The following RIMS1 variants were observed in gnomAD, a reference collection of about 807,000 sequenced individuals.
The protein encoded by RIMS1 is regulating synaptic membrane exocytosis 1.
Under a neutral mutation model 214.1 loss-of-function variants are expected in RIMS1, and 83 were observed. The observed-to-expected ratio is 0.39, with a 90% CI of 0.32 to 0.47. RIMS1 has a LOEUF of 0.47. Among genes scored for constraint, RIMS1 ranks in the 20% least tolerant of loss-of-function variants. RIMS1 has a pLI of 0.99. For missense variants in RIMS1, 2,050 were observed against 2,161.8 expected (o/e 0.95, Z 1.03); for synonymous variants, 793 against 786.8 (o/e 1.01, Z -0.13).
At chr6:72,071,795 A>C (rs1830636445) in intron 2 of RIMS1, among the ~76,000 whole-genome samples, 3 of 152,208 alleles carry the variant, frequency 2.0e-5, no homozygotes, top group South Asian at 2.1e-4. Context: ...TAGATATCTG[A>C]AGCATTTTCA....
intron 29 of RIMS1, among the ~76,000 whole-genome samples, chr6:72,346,612 C>G (rs1386710942): frequency 6.6e-6 from 1 of 151,762 alleles, no homozygotes; most frequent in East Asian, 1.9e-4. Context: ...CTCTGTTACT[C>G]AGCCTTCACT....
chr6:72,131,533 G>A (rs773762115), intron 4 of RIMS1, among the ~76,000 whole-genome samples: 8 of 150,890 alleles, frequency 5.3e-5, no homozygotes, highest in Non-Finnish European at 1.2e-4. Flanking sequence ...CAAAAGGGGA[G>A]GGAGTGTACC....
At chr6:72,327,460 G>A (rs904399130) in intron 28 of RIMS1, among the ~76,000 whole-genome samples, 20 of 151,576 alleles carry the variant, frequency 1.3e-4, no homozygotes, top group African/African-American at 3.9e-4. Context: ...TGACTTTTGC[G>A]AATAATTTTG....
chr6:72,260,842 C>A, intron 19 of RIMS1, 75 bp downstream of exon 19: 1 of 1,573,118 alleles, frequency 6.4e-7, no homozygotes, highest in Non-Finnish European at 8.6e-7. Flanking sequence ...CCGTCTCTCC[C>A]TTAGTGGTAT....
chr6:72,124,091 GT>G (rs1562368790), intron 4 of RIMS1, among the ~76,000 whole-genome samples: 1 of 151,872 alleles, frequency 6.6e-6, no homozygotes. Context: ...AATTTGGCAT[GT>G]TTTTGCAGTG....
At chr6:72,225,966 T>C (rs1367605679) in intron 6 of RIMS1, among the ~76,000 whole-genome samples, 1 of 152,166 alleles carries the variant, frequency 6.6e-6, no homozygotes, top group Non-Finnish European at 1.5e-5. Flanking sequence ...TTCTCCAAAC[T>C]GTTTTGTGTG....
chr6:72,345,556 T>G (rs2097233367), intron 29 of RIMS1, among the ~76,000 whole-genome samples: 1 of 151,868 alleles, frequency 6.6e-6, no homozygotes, highest in Non-Finnish European at 1.5e-5. Context: ...CTCAACCACT[T>G]TACTATAATT....
At chr6:72,359,561 T>C (rs2097757766) in intron 29 of RIMS1, among the ~76,000 whole-genome samples, 1 of 152,198 alleles carries the variant, frequency 6.6e-6, no homozygotes, top group Admixed American at 6.5e-5. Flanking sequence ...TGCCTTAATA[T>C]TGACCATTTC....
intron 16 of RIMS1, among the ~76,000 whole-genome samples, chr6:72,253,514 C>T (rs2074382420): frequency 6.6e-6 from 1 of 151,982 alleles, no homozygotes; most frequent in African/African-American, 2.4e-5. Flanking sequence ...TTTCTTGGCA[C>T]TAATTCTATA....
intron 1 of RIMS1, among the ~76,000 whole-genome samples, chr6:71,928,490 T>A (rs1782165545): frequency 6.6e-6 from 1 of 152,140 alleles, no homozygotes; most frequent in Non-Finnish European, 1.5e-5. Context: ...GATTATCCTA[T>A]GGAGGGTATA....
intron 1 of RIMS1, among the ~76,000 whole-genome samples, chr6:71,910,940 T>C (rs924996485): frequency 6.6e-6 from 1 of 152,036 alleles, no homozygotes; most frequent in African/African-American, 2.4e-5. Flanking sequence ...GAAGATTAGA[T>C]TGAAGGAAGA....
intron 6 of RIMS1, among the ~76,000 whole-genome samples, chr6:72,196,382 TC>T (rs1431657036): frequency 8.3e-4 from 28 of 33,766 alleles, no homozygotes; most frequent in Admixed American, 4.3e-3. Flanking sequence ...TGTCTGTCTA[TC>T]TATCTATCTA....
At chr6:72,272,889 C>T (rs779589563) in intron 22 of RIMS1, among the ~76,000 whole-genome samples, 1 of 152,082 alleles carries the variant, frequency 6.6e-6, no homozygotes, top group Non-Finnish European at 1.5e-5. Context: ...AAAGCCAGTA[C>T]AGTGAAAAGA....
intron 4 of RIMS1, among the ~76,000 whole-genome samples, chr6:72,108,526 T>C (rs920970175): frequency 1.3e-5 from 2 of 152,154 alleles, no homozygotes; most frequent in Admixed American, 6.6e-5. Context: ...CCTTATTTTT[T>C]ATTTAAACTT....
chr6:72,217,404 A>G (rs1350844393), intron 6 of RIMS1, among the ~76,000 whole-genome samples: 1 of 152,232 alleles, frequency 6.6e-6, no homozygotes, highest in African/African-American at 2.4e-5. Flanking sequence ...GGATGCAATA[A>G]TGATTACTTG....
intron 2 of RIMS1, among the ~76,000 whole-genome samples, chr6:72,076,208 A>T (rs2449423): frequency 1 from 152,347 of 152,348 alleles, 76,173 homozygotes; most frequent in Middle Eastern, 1. Context: ...AACAATACTA[A>T]GGAAAAAACA....
chr6:72,133,528 A>G (rs1233759941), intron 4 of RIMS1, among the ~76,000 whole-genome samples: 1 of 152,186 alleles, frequency 6.6e-6, no homozygotes, highest in Non-Finnish European at 1.5e-5. Flanking sequence ...TTGACTATTT[A>G]CAGTTCTCCT....
At chr6:72,117,273 G>A (rs2037271738) in intron 4 of RIMS1, among the ~76,000 whole-genome samples, 1 of 152,026 alleles carries the variant, frequency 6.6e-6, no homozygotes, top group Non-Finnish European at 1.5e-5. Flanking sequence ...TAGGTCATAA[G>A]TTTCTGACCC....
intron 28 of RIMS1, among the ~76,000 whole-genome samples, chr6:72,321,109 G>A (rs2096134439): frequency 2.0e-5 from 3 of 152,010 alleles, no homozygotes; most frequent in Admixed American, 6.6e-5. Context: ...AGACCTTGAT[G>A]TATCCTCAAG....
Sources: gnomAD v4.1 joint callset for allele counts (sites outside exome capture counted in the v4.1 genomes callset) on GRCh38, gnomAD v4.1.1 for gene constraint, MANE v1.5 for transcripts, NCBI Gene and HGNC (gene_info 2026-07-23, HGNC 2026-07-21) for gene names.